Variants in OR9Q1 observed in about 807,000 individuals in gnomAD.
The protein encoded by OR9Q1 is olfactory receptor 9Q1.
For synonymous variants in OR9Q1, 153 were observed against 148.6 expected, an observed-to-expected ratio of 1.03 and a Z score of -0.22; for missense variants, 374 against 378.8, an observed-to-expected ratio of 0.99 and a Z score of 0.11.
At chr11:58,139,308 G>A (rs1195304746) in intron 2 of OR9Q1, among the ~76,000 whole-genome samples, 1 of 149,044 alleles carries the variant, frequency 6.7e-6, no homozygotes, top group Non-Finnish European at 1.5e-5. Context: ...TATACTTTAA[G>A]TTTTAGGGTA....
Position 58,068,891 on chromosome 11 carries a change from C to T in OR9Q1, c.-15+12944C>T, listed in dbSNP as rs747966507. Among the ~76,000 whole-genome samples the T allele has an allele frequency of 9.9e-5, 15 of 152,190 alleles. No individual in the cohort carries two copies. In the East Asian group the frequency reaches 1.7e-3, roughly 18 times the overall value. On this transcript the variant is annotated intron_variant, in intron 2 of 2. Transcript: ENST00000335397. ...GCACCAGGGAGCGGGAAAAGTGCAGCGCTGGAGATTCGCATCCATGAATAT... is the reference window on the plus strand; with the variant it reads ...GCACCAGGGAGCGGGAAAAGTGCAGTGCTGGAGATTCGCATCCATGAATAT...
chr11:58,116,930 A>T (rs1234440965), intron 2 of OR9Q1: 1 of 152,250 alleles, frequency 6.6e-6, no homozygotes, highest in African/African-American at 2.4e-5. Context: ...ATTCTTGACT[A>T]TGTGGGATAT....
intron 2 of OR9Q1, among the ~76,000 whole-genome samples, chr11:58,077,045 G>C (rs532084601): frequency 1.3e-5 from 2 of 152,298 alleles, no homozygotes; most frequent in East Asian, 3.9e-4. Flanking sequence ...CATTAGGTAA[G>C]GATGTTTGGA....
At chr11:58,034,448 A>G (rs2119921851) in intron 1 of OR9Q1, among the ~76,000 whole-genome samples, 2 of 152,260 alleles carry the variant, frequency 1.3e-5, no homozygotes, top group East Asian at 3.9e-4. Flanking sequence ...AAATGGTTGA[A>G]GACAAATTGA....
At chr11:58,147,980 T>C (rs1854314903) in intron 2 of OR9Q1, among the ~76,000 whole-genome samples, 5 of 152,148 alleles carry the variant, frequency 3.3e-5, no homozygotes, top group Non-Finnish European at 1.5e-5. Flanking sequence ...TTTTAAGAAC[T>C]AGGCTTTGGA....
chr11:58,179,548 A>G lies in OR9Q1; in HGVS notation c.104A>G (p.Tyr35Cys). The change falls in exon 3 of 3, where the codon TAT (tyrosine) becomes TGT (cysteine). Residue 35 changes from tyrosine (Y) to cysteine (C), a missense_variant. Physicochemically the swap from Tyr to Cys is radical, Grantham distance 194. Transcript: ENST00000335397. ...LPLFLLFLFM[Y>C]LITVLGNLEM... ...CTCTTCCTCTTGTTTTTATTTATGT[A>G]TCTCATCACCGTATTGGGGAACTTA... is the stretch of plus-strand genomic sequence containing the variant. 1 of 1,613,160 alleles carries G rather than the reference A, an allele frequency of 6.2e-7. No homozygotes were observed. Among genetic ancestry groups the G allele is most frequent in the Non-Finnish European group, 8.5e-7 (1 of 1,179,452 alleles).
intron 2 of OR9Q1, among the ~76,000 whole-genome samples, chr11:58,082,018 T>C (rs1853592459): frequency 6.6e-6 from 1 of 152,032 alleles, no homozygotes; most frequent in Non-Finnish European, 1.5e-5. Flanking sequence ...AAAATGCTCA[T>C]CATCACTGGC....
rs368944258 is a variant in OR9Q1 at position 58,041,417 on chromosome 11, AG to A, written c.-92-14449del. On this transcript the variant is annotated intron_variant, in intron 1 of 2. Coordinates refer to ENST00000335397, the MANE Select transcript of OR9Q1 (RefSeq NM_001005212.4). ...GGGTCTGGGTGGCCAATGAACATGA[AG>A]GGGCAGAGGAAGCTGAGGGCCAAGG... 112 of 153,694 alleles carry A rather than the reference AG, an allele frequency of 7.3e-4. 1 individual carries two copies. The East Asian group carries it at 0.018, about 24-fold the overall frequency. 9.5% of individuals were successfully genotyped at this position (153,694 alleles called of 1,614,324 possible).
At chr11:58,118,188 G>A (rs1420557041) in intron 2 of OR9Q1, 1 of 214,300 alleles carries the variant, frequency 4.7e-6, no homozygotes, top group African/African-American at 2.3e-5. Context: ...AGTTGAGAGA[G>A]TATTGGGTTG....
intron 1 of OR9Q1, chr11:58,031,781 G>T (rs919197602): frequency 6.8e-6 from 11 of 1,613,844 alleles, no homozygotes; most frequent in Non-Finnish European, 9.3e-6. Context: ...CTTCAACAAG[G>T]TGGTATCTGT....
chr11:58,126,070 T>A (rs2443442), intron 2 of OR9Q1, among the ~76,000 whole-genome samples: 6 of 152,088 alleles, frequency 3.9e-5, no homozygotes, highest in African/African-American at 1.4e-4. Context: ...ATGAGTCTGG[T>A]GTGGTCTAAA....
chr11:58,179,617 C>T lies in OR9Q1; in HGVS notation c.173C>T (p.Pro58Leu). Residue 58 changes from proline to leucine, a missense_variant, in exon 3 of 3, where the codon CCA (proline) becomes CTA (leucine). By Grantham distance (98) the Pro-to-Leu change is moderately conservative. Coordinates refer to ENST00000335397, the MANE Select transcript of OR9Q1 (RefSeq NM_001005212.4). ...LILMDHQLHA[P>L]MYFLLSHLAF... ...CTCATGGATCACCAGCTCCACGCTC[C>T]AATGTATTTCCTTCTGAGTCACCTC... 1 of 1,613,300 alleles carries T rather than the reference C, an allele frequency of 6.2e-7. No homozygotes were observed.
At chr11:58,026,067 T>C (rs979375699) in intron 1 of OR9Q1, among the ~76,000 whole-genome samples, 1 of 152,216 alleles carries the variant, frequency 6.6e-6, no homozygotes, top group East Asian at 1.9e-4. Flanking sequence ...ACATTGCAAT[T>C]AGCTCATCAC....
intron 2 of OR9Q1, among the ~76,000 whole-genome samples, chr11:58,100,487 A>G (rs1437420452): frequency 6.6e-6 from 1 of 152,150 alleles, no homozygotes; most frequent in African/African-American, 2.4e-5. Context: ...TTTTAATTAG[A>G]CATTCAGTAG....
intron 1 of OR9Q1, among the ~76,000 whole-genome samples, chr11:58,046,063 G>T (rs2119952489): frequency 6.6e-6 from 1 of 152,330 alleles, no homozygotes. Flanking sequence ...CATGCTTGCA[G>T]AATGAATTTC....
Position 58,031,829 on chromosome 11 carries a change from A to G in OR9Q1, c.-93+7725A>G, listed in dbSNP as rs373318774. On this transcript the variant is annotated intron_variant, in intron 1 of 2. Transcript: ENST00000335397. ...TGTCACGCCCATGCTCAATCCTCTC[A>G]TCTACAGTCTTAGGAACAAGGAAGT... is the stretch of plus-strand genomic sequence containing the variant. 2.3e-5 allele frequency: 37 copies of G among 1,613,874 alleles called. No individual in the cohort carries two copies. The highest frequency in any genetic ancestry group is 2.9e-5 in the Non-Finnish European group (34 of 1,179,968).
intron 2 of OR9Q1, among the ~76,000 whole-genome samples, chr11:58,090,133 C>T (rs1156621699): frequency 6.6e-6 from 1 of 152,052 alleles, no homozygotes; most frequent in Non-Finnish European, 1.5e-5. Flanking sequence ...TTCAATACCC[C>T]TTATTTCTTT....
chr11:58,092,263 G>A (rs1307662519), intron 2 of OR9Q1, among the ~76,000 whole-genome samples: 1 of 151,806 alleles, frequency 6.6e-6, no homozygotes, highest in Non-Finnish European at 1.5e-5. Flanking sequence ...GTGTTTTTTA[G>A]AGCGGCTGGT....
chr11:58,082,057 A>G (rs1399059413), intron 2 of OR9Q1, among the ~76,000 whole-genome samples: 2 of 152,134 alleles, frequency 1.3e-5, no homozygotes, highest in Non-Finnish European at 2.9e-5. Flanking sequence ...CAAAACCACA[A>G]TGAGATACCA....
Sources: gnomAD v4.1 joint callset for allele counts (sites outside exome capture counted in the v4.1 genomes callset) on GRCh38, gnomAD v4.1.1 for gene constraint, MANE v1.5 for transcripts, NCBI Gene and HGNC (gene_info 2026-07-23, HGNC 2026-07-21) for gene names.